The following NUDC variants were observed in gnomAD, a reference collection of about 807,000 sequenced individuals.
NUDC encodes nuclear migration protein nudC.
In NUDC, 14 loss-of-function variants were observed where a neutral mutation model predicts 45.0. The ratio of observed to expected loss-of-function variants is 0.31; its 90% CI spans 0.21 to 0.49. NUDC has a LOEUF of 0.49. Among genes scored for constraint, NUDC ranks in the 20% least tolerant of loss-of-function variants. The pLI is 0.99. For missense variants in NUDC, 323 were observed against 426.2 expected (o/e 0.76, Z 2.13); for synonymous variants, 153 against 156.7 (o/e 0.98, Z 0.17).
intron 3 of NUDC, among the ~76,000 whole-genome samples, chr1:26,912,815 C>T (rs2124069855): frequency 6.6e-6 from 1 of 152,332 alleles, no homozygotes; most frequent in East Asian, 1.9e-4. Flanking sequence ...CCCACCCCAC[C>T]TCCCCACAGC....
intron 2 of NUDC, among the ~76,000 whole-genome samples, chr1:26,926,054 T>C (rs891793345): frequency 6.6e-6 from 1 of 151,840 alleles, no homozygotes; most frequent in African/African-American, 2.4e-5. Context: ...CCCGCTCTTT[T>C]TATCCAGGCT....
chr1:26,941,695 T>TC (rs764881912), intron 3 of NUDC, 35 bp downstream of exon 3: 4 of 1,612,462 alleles, frequency 2.5e-6, no homozygotes, highest in South Asian at 2.2e-5. Flanking sequence ...ACCCCTCAGA[T>TC]CCCCCCTGGC....
chr1:26,935,907 C>T lies in NUDC; in HGVS notation c.160-5550C>T, dbSNP rs1336109963. Among the ~76,000 whole-genome samples, 14 of 150,396 alleles carry T rather than the reference C, an allele frequency of 9.3e-5. No individual in the cohort carries two copies. In the South Asian group the frequency reaches 2.5e-3, roughly 27 times the overall value. The stretch of plus-strand genomic sequence containing the variant: ...CTTTGGGAGGCTGAGGTGGTAGGAT[C>T]ACTTGAGCCCAGGAGTTGAAGACCA... On this transcript the variant is annotated intron_variant, in intron 2 of 8. Coordinates refer to ENST00000321265, the MANE Select transcript of NUDC (RefSeq NM_006600.4).
At chr1:26,913,708 T>A (rs1168152526) in intron 3 of NUDC, 1 of 1,609,692 alleles carries the variant, frequency 6.2e-7, no homozygotes, top group East Asian at 2.2e-5. Context: ...GGGAGGCAGC[T>A]GCCAGAAGGA....
At position 26,946,259 on chromosome 1, in the gene NUDC, T is replaced by C. The variant is rs543170184; in HGVS notation, c.*78T>C. The C allele has an allele frequency of 5.4e-6, 7 of 1,305,548 alleles. No individual in the cohort carries two copies. The African/African-American group carries it at 5.8e-5, about 11-fold the overall frequency. 80.9% of individuals were successfully genotyped at this position (1,305,548 alleles called of 1,614,324 possible). On this transcript the variant is annotated 3_prime_UTR_variant, in exon 9 of 9. Coordinates refer to ENST00000321265, the MANE Select transcript of NUDC (RefSeq NM_006600.4). ...TTCTTTCCCACTCTTCTCTGGGACT[T>C]GTGGGCCTCAGGGCTTGGGGCAGGC... is the stretch of plus-strand genomic sequence containing the variant.
At chr1:26,903,380 G>A (rs754553992) in intron 2 of NUDC, among the ~76,000 whole-genome samples, 3 of 152,102 alleles carry the variant, frequency 2.0e-5, no homozygotes, top group Non-Finnish European at 4.4e-5. Context: ...GGACTTCAAA[G>A]TTAATGGTAA....
At chr1:26,943,964 G>A (rs1300666649) in intron 6 of NUDC, among the ~76,000 whole-genome samples, 2 of 151,186 alleles carry the variant, frequency 1.3e-5, no homozygotes, top group Non-Finnish European at 2.9e-5. Flanking sequence ...TGCGAGCTCC[G>A]CCTCCTGGGT....
Position 26,946,431 on chromosome 1 carries a change from T to C in NUDC, c.*250T>C, listed in dbSNP as rs1246072632. The C allele has an allele frequency of 3.7e-6, 2 of 535,746 alleles. No individual in the cohort carries two copies. The highest frequency in any genetic ancestry group is 6.7e-6 in the Non-Finnish European group (2 of 296,874). The allele number at this position is 535,746 out of a possible 1,614,324, so 33.2% of individuals were successfully genotyped here. A position where few individuals can be genotyped will look rare whatever the true frequency, so the allele number is the denominator to read the frequency against. On this transcript the variant is annotated 3_prime_UTR_variant, in exon 9 of 9. Transcript: ENST00000321265. Reference sequence around the variant, plus strand: ...TCCTCTCTTGCCTCTGGCCTTTCTCTGGGGCACAGGCCTCTTACGGCTGCT... The same window carrying C: ...TCCTCTCTTGCCTCTGGCCTTTCTCCGGGGCACAGGCCTCTTACGGCTGCT...
chr1:26,927,408 T>C (rs1290459415), intron 2 of NUDC, among the ~76,000 whole-genome samples: 1 of 150,454 alleles, frequency 6.6e-6, no homozygotes, highest in East Asian at 1.9e-4. Context: ...TCTTTTTTTT[T>C]TTTTTTTGAG....
chr1:26,926,306 T>G (rs113929060), intron 2 of NUDC, among the ~76,000 whole-genome samples: 2,101 of 152,348 alleles, frequency 0.014, 47 homozygotes, highest in African/African-American at 0.048. Flanking sequence ...GTGTCCTGAA[T>G]GTCTGAGGCC....
At chr1:26,939,550 C>T (rs2082260606) in intron 2 of NUDC, among the ~76,000 whole-genome samples, 2 of 152,010 alleles carry the variant, frequency 1.3e-5, no homozygotes, top group African/African-American at 2.4e-5. Flanking sequence ...TCACCTTAGC[C>T]CAGGGAGGTC....
At chr1:26,901,696 C>T (rs1250179370) in intron 1 of NUDC, among the ~76,000 whole-genome samples, 1 of 152,116 alleles carries the variant, frequency 6.6e-6, no homozygotes, top group Admixed American at 6.6e-5. Flanking sequence ...TAAGCCACCG[C>T]ACCCGGCCCT....
chr1:26,932,895 A>G (rs895751378), intron 2 of NUDC, among the ~76,000 whole-genome samples: 3 of 152,128 alleles, frequency 2.0e-5, no homozygotes, highest in African/African-American at 4.8e-5. Context: ...ATTTATCCAC[A>G]TTGTAGCATG....
rs146502618 is a variant in NUDC, at chr1:26,942,766, C to T, written c.536C>T (p.Ser179Leu). The T allele has an allele frequency of 1.1e-5, 18 of 1,614,068 alleles. No homozygotes were observed. The highest frequency in any genetic ancestry group is 5.3e-5 in the African/African-American group (4 of 74,946). ...AATTACCGCTGGACCCAGACCCTGT[C>T]GGAGCTGGACGTGAGTGTCAGGGAC... ...LPNYRWTQTL[S>L]ELDLAVPFCV... Residue 179 changes from serine to leucine, a missense_variant, in exon 5 of 9, where the codon TCG (serine) becomes TTG (leucine). Ser to Leu is a moderately radical substitution (Grantham distance 145, BLOSUM62 -2). Around this residue, in one of 3 missense-constraint regions of NUDC, gnomAD observed 245 missense variants for 278.8 expected, o/e 0.88. Transcript: ENST00000321265.
chr1:26,914,241 A>C (rs1319872659), intron 3 of NUDC, among the ~76,000 whole-genome samples: 2 of 152,190 alleles, frequency 1.3e-5, no homozygotes, highest in Non-Finnish European at 2.9e-5. Context: ...ACTCAAGTGG[A>C]TAAACAAGGT....
chr1:26,907,039 G>T (rs2082005697), intron 2 of NUDC, among the ~76,000 whole-genome samples: 1 of 151,978 alleles, frequency 6.6e-6, no homozygotes. Flanking sequence ...AGTTTCATTG[G>T]GATTTCCTTT....
intron 2 of NUDC, among the ~76,000 whole-genome samples, chr1:26,925,767 G>A (rs2082127075): frequency 6.8e-6 from 1 of 147,354 alleles, no homozygotes; most frequent in South Asian, 2.1e-4. Context: ...TGTTGCCCAG[G>A]CTGCAGTGCA....
intron 3 of NUDC, chr1:26,911,881 G>A (rs1422219717): frequency 7.4e-6 from 12 of 1,614,036 alleles, no homozygotes; most frequent in Non-Finnish European, 1.0e-5. Flanking sequence ...GAAGGCCAGC[G>A]ATGTCAACAT....
In NUDC at chr1:26,946,833, C is replaced by G. The variant is rs2082320612; in HGVS notation, c.*652C>G. ...CACTACTTCACTCCAGCATGGGTGA[C>G]AGAGACTCCATCTCAAAAAAATAAA... On this transcript the variant is annotated 3_prime_UTR_variant, in exon 9 of 9. Coordinates refer to ENST00000321265, the MANE Select transcript of NUDC (RefSeq NM_006600.4). The G allele has an allele frequency of 6.4e-6, 1 of 155,932 alleles. No homozygotes were observed. The highest frequency in any genetic ancestry group is 2.4e-5 in the African/African-American group (1 of 41,444). 9.7% of individuals were successfully genotyped at this position (155,932 alleles called of 1,614,324 possible).
Sources: allele counts gnomAD v4.1 joint callset (sites outside exome capture counted in the v4.1 genomes callset), GRCh38; gene constraint gnomAD v4.1.1; regional missense constraint gnomAD v4.1.1; transcripts MANE v1.5; gene names NCBI Gene and HGNC (gene_info 2026-07-23, HGNC 2026-07-21).